Variants in TMEM177 observed in about 807,000 individuals in gnomAD.
The protein encoded by TMEM177 is transmembrane protein 177.
A neutral mutation model predicts 14.2 loss-of-function variants in TMEM177; 4 were observed. The ratio of observed to expected loss-of-function variants is 0.28; its 90% confidence interval spans 0.14 to 0.64. The LOEUF is 0.64. TMEM177 is among the 30% of genes least tolerant of loss of function. The pLI, the probability that TMEM177 is intolerant of heterozygous loss-of-function variation, is 0.82. For missense variants in TMEM177, 344 were observed against 405.2 expected (o/e 0.85, Z 1.30); for synonymous variants, 179 against 174.5 (o/e 1.03, Z -0.20).
chr2:119,703,945 T>C, the TMEM177 span, among the ~76,000 whole-genome samples: 1 of 152,352 alleles, frequency 6.6e-6, no homozygotes, highest in South Asian at 2.1e-4. Flanking sequence ...CTTTACTAAA[T>C]AGCCCTTCAT....
downstream of TMEM177, chr2:119,685,957 A>G: frequency 2.0e-6 from 1 of 510,594 alleles, no homozygotes; most frequent in Non-Finnish European, 3.5e-6. Flanking sequence ...AGAGAAAGGG[A>G]CAACCAGCCT....
chr2:119,719,485 G>C, the TMEM177 span, among the ~76,000 whole-genome samples: 1 of 152,204 alleles, frequency 6.6e-6, no homozygotes, highest in South Asian at 2.1e-4. Flanking sequence ...CCTCGTCAGT[G>C]ACTGGTTTAG....
chr2:119,717,349 GA>G, the TMEM177 span, among the ~76,000 whole-genome samples: 5 of 151,300 alleles, frequency 3.3e-5, no homozygotes, highest in African/African-American at 1.2e-4. Flanking sequence ...AAAAGAAAAA[GA>G]AAAAAAAGAA....
the TMEM177 span, among the ~76,000 whole-genome samples, chr2:119,692,736 G>A: frequency 6.6e-6 from 1 of 152,168 alleles, no homozygotes; most frequent in South Asian, 2.1e-4. Flanking sequence ...ACTTTGGGAG[G>A]CCAAGGCAGG....
chr2:119,714,046 A>C, the TMEM177 span, among the ~76,000 whole-genome samples: 2 of 152,326 alleles, frequency 1.3e-5, no homozygotes, highest in East Asian at 3.9e-4. Context: ...GATGTGGCTG[A>C]ACAGATGAGT....
At chr2:119,680,012 C>T (rs1178407053) in intron 1 of TMEM177, among the ~76,000 whole-genome samples, 1 of 152,154 alleles carries the variant, frequency 6.6e-6, no homozygotes, top group Non-Finnish European at 1.5e-5. Flanking sequence ...CTTCTGAGAC[C>T]TCCCTTCTTG....
chr2:119,703,437 T>A, the TMEM177 span, among the ~76,000 whole-genome samples: 1 of 152,158 alleles, frequency 6.6e-6, no homozygotes, highest in Non-Finnish European at 1.5e-5. Flanking sequence ...AAGATGCCCA[T>A]CACACTCATT....
chr2:119,697,623 G>A, the TMEM177 span, among the ~76,000 whole-genome samples: 3 of 152,238 alleles, frequency 2.0e-5, no homozygotes, highest in Non-Finnish European at 4.4e-5. Context: ...TCTGCCTAAA[G>A]CACTGCAGGC....
chr2:119,691,976 T>C, the TMEM177 span, among the ~76,000 whole-genome samples: 1 of 152,220 alleles, frequency 6.6e-6, no homozygotes, highest in African/African-American at 2.4e-5. Flanking sequence ...CCTCGCAGTC[T>C]GGACTCCACC....
chr2:119,705,550 C>A, the TMEM177 span, among the ~76,000 whole-genome samples: 1 of 152,026 alleles, frequency 6.6e-6, no homozygotes, highest in Non-Finnish European at 1.5e-5. Context: ...GGCATTCTCA[C>A]AACATGGCAG....
chr2:119,703,930 T>A, the TMEM177 span, among the ~76,000 whole-genome samples: 1 of 152,332 alleles, frequency 6.6e-6, no homozygotes, highest in South Asian at 2.1e-4. Context: ...TCTCTGTAAA[T>A]CATCCTTTAC....
chr2:119,720,145 A>T, the TMEM177 span, among the ~76,000 whole-genome samples: 1 of 152,086 alleles, frequency 6.6e-6, no homozygotes, highest in Non-Finnish European at 1.5e-5. Flanking sequence ...CAAAATTTTT[A>T]AAAATATCAA....
chr2:119,697,861 A>C, the TMEM177 span, among the ~76,000 whole-genome samples: 1 of 152,258 alleles, frequency 6.6e-6, no homozygotes, highest in South Asian at 2.1e-4. Context: ...GCAAGTATGC[A>C]CAGGAGCCAT....
downstream of TMEM177, among the ~76,000 whole-genome samples, chr2:119,684,873 T>TC (rs1688984873): frequency 6.6e-6 from 1 of 152,118 alleles, no homozygotes; most frequent in African/African-American, 2.4e-5. Context: ...TAATATTGCG[T>TC]CCCTACACAC....
rs1329290527 is a variant in TMEM177, at chr2:119,681,033, G to A, written c.180G>A (p.Gln60=). 1.2e-6 allele frequency: 2 copies of A among 1,614,240 alleles called. No individual in the cohort carries two copies. Among genetic ancestry groups the A allele is most frequent in the Admixed American group, 1.7e-5 (1 of 60,034 alleles). Residue 60 remains glutamine (Q), a synonymous_variant, in exon 2 of 2, where the codon CAG becomes CAA. Transcript: ENST00000272521. The part of the protein sequence containing the change: ...PQGQPAPLPP[Q]LQSLFQEVLQ... Reference sequence around the variant, plus strand: ...GCCAGCCAGCTCCGCTCCCTCCACAGCTGCAGAGCCTCTTCCAAGAGGTGC... The same window carrying A: ...GCCAGCCAGCTCCGCTCCCTCCACAACTGCAGAGCCTCTTCCAAGAGGTGC...
chr2:119,696,298 G>A, the TMEM177 span, among the ~76,000 whole-genome samples: 1 of 152,232 alleles, frequency 6.6e-6, no homozygotes, highest in South Asian at 2.1e-4. Flanking sequence ...TCATTATTGA[G>A]GGTACTGTAA....
chr2:119,707,025 C>T, the TMEM177 span, among the ~76,000 whole-genome samples: 1 of 152,076 alleles, frequency 6.6e-6, no homozygotes, highest in Non-Finnish European at 1.5e-5. Context: ...GATTCTCCTG[C>T]CTCAGCCTCC....
chr2:119,679,813 C>A (rs1309546519), intron 1 of TMEM177, among the ~76,000 whole-genome samples: 1 of 152,174 alleles, frequency 6.6e-6, no homozygotes. Flanking sequence ...TTGGTATATG[C>A]TTGTAATTTG....
chr2:119,703,037 G>A, the TMEM177 span, among the ~76,000 whole-genome samples: 4 of 152,224 alleles, frequency 2.6e-5, no homozygotes. Flanking sequence ...CAAGCTCACC[G>A]TGGCCCAGGG....
Sources: allele counts gnomAD v4.1 joint callset (sites outside exome capture counted in the v4.1 genomes callset), GRCh38; gene constraint gnomAD v4.1.1; transcripts MANE v1.5; gene names NCBI Gene and HGNC (gene_info 2026-07-23, HGNC 2026-07-21).